The following PLCB4 variants were observed in gnomAD, a reference collection of about 807,000 sequenced individuals.
The protein encoded by PLCB4 is phospholipase C beta 4.
PLCB4 carries 77 observed loss-of-function variants against 178.8 expected under a neutral mutation model. The observed-to-expected ratio is 0.43, with a 90% confidence interval of 0.36 to 0.52. The LOEUF (loss-of-function observed/expected upper bound fraction) is 0.52, where lower values mean the gene tolerates loss of function less well. Ranked by LOEUF, PLCB4 falls within the 20% of genes least tolerant of loss-of-function variation. PLCB4 has a pLI of 0.00. For synonymous variants in PLCB4, 496 were observed against 490.8 expected (o/e 1.01, Z -0.14); for missense variants, 1,024 against 1,453.4 (o/e 0.70, Z 4.80).
intron 4 of PLCB4, among the ~76,000 whole-genome samples, chr20:9,316,479 A>C (rs2094900427): frequency 6.6e-6 from 1 of 152,198 alleles, no homozygotes; most frequent in Admixed American, 6.5e-5. Context: ...CGGGGGCCAA[A>C]AGGTTGGAGA....
At chr20:9,246,340 C>T (rs1382912784) in intron 3 of PLCB4, among the ~76,000 whole-genome samples, 1 of 152,118 alleles carries the variant, frequency 6.6e-6, no homozygotes, top group African/African-American at 2.4e-5. Context: ...ATTACTTTTG[C>T]ACCAACCTAA....
chr20:9,368,904 G>A (rs1301286162), intron 9 of PLCB4, among the ~76,000 whole-genome samples: 4 of 152,260 alleles, frequency 2.6e-5, no homozygotes, highest in African/African-American at 9.6e-5. Flanking sequence ...AACTCATTGA[G>A]TACCAGTTAG....
At chr20:9,416,596 C>T (rs2040265437) in intron 25 of PLCB4, among the ~76,000 whole-genome samples, 1 of 152,184 alleles carries the variant, frequency 6.6e-6, no homozygotes, top group Admixed American at 6.5e-5. Flanking sequence ...TACTTTCCAT[C>T]CTGATTCTTT....
At position 9,419,845 on chromosome 20, in the gene PLCB4, G is replaced by A. The variant is rs2040502761; in HGVS notation, c.2090G>A (p.Arg697Gln). ...LKPDFMRRPDRTFDPFSETPV... is the reference protein window; with the variant it reads ...LKPDFMRRPDQTFDPFSETPV... ...CCAGATTTCATGAGGCGGCCTGATC[G>A]AACATTTGACCCCTTCTCTGAAACT... The change falls in exon 26 of 40, where the codon CGA (arginine) becomes CAA (glutamine). Residue 697 changes from arginine to glutamine, a missense_variant. Transcript: ENST00000378473. The A allele has an allele frequency of 3.1e-6, 5 of 1,614,008 alleles. No individual in the cohort carries two copies. Among genetic ancestry groups the A allele is most frequent in the Non-Finnish European group, 4.2e-6 (5 of 1,179,904 alleles).
chr20:9,132,304 G>A (rs942113227), intron 2 of PLCB4, among the ~76,000 whole-genome samples: 2 of 152,032 alleles, frequency 1.3e-5, no homozygotes, highest in African/African-American at 4.8e-5. Flanking sequence ...GTGTGTGTGT[G>A]TGTGGTTGTT....
chr20:9,390,841 T>G (rs534014394), intron 17 of PLCB4, among the ~76,000 whole-genome samples: 1 of 152,288 alleles, frequency 6.6e-6, no homozygotes, highest in East Asian at 1.9e-4. Flanking sequence ...TTTTCAGATC[T>G]CAGTCTTAAA....
chr20:9,333,958 A>G lies in PLCB4; in HGVS notation c.85-3168A>G, dbSNP rs537586528. 3.3e-5 allele frequency among the ~76,000 whole-genome samples: 5 copies of G among 152,276 alleles called. No homozygotes were observed. The East Asian group carries it at 9.7e-4, about 29-fold the overall frequency. ...CAGTTATGGACATACTTATTTCAAG[A>G]CATCCTAGTGGAGATGTCAAATAGC... is the stretch of plus-strand genomic sequence containing the variant. On this transcript the variant is annotated intron_variant, in intron 4 of 39. Coordinates refer to ENST00000378473, the MANE Select transcript of PLCB4 (RefSeq NM_001377142.1).
In PLCB4 at chr20:9,444,329, C is replaced by A. The variant is rs2042280814; in HGVS notation, c.2880+86C>A. 3.8e-6 allele frequency: 3 copies of A among 780,596 alleles called. No individual in the cohort carries two copies. The African/African-American group carries it at 5.2e-5, about 14-fold the overall frequency. 48.4% of individuals were successfully genotyped at this position (780,596 alleles called of 1,614,324 possible). A position where few individuals can be genotyped will look rare whatever the true frequency, so the allele number is the denominator to read the frequency against. On this transcript the variant is annotated intron_variant, in intron 32 of 39. Transcript: ENST00000378473. ...ACACTACTTTGAAGCTGATACCAGA[C>A]CACTTAACAGTAATAACTCATTCTA...
chr20:9,252,016 T>A (rs2147488952), intron 3 of PLCB4, among the ~76,000 whole-genome samples: 1 of 152,316 alleles, frequency 6.6e-6, no homozygotes, highest in South Asian at 2.1e-4. Flanking sequence ...CACGTCTCAA[T>A]TCAGATACTA....
At chr20:9,253,772 C>T (rs2094205714) in intron 3 of PLCB4, among the ~76,000 whole-genome samples, 1 of 152,150 alleles carries the variant, frequency 6.6e-6, no homozygotes, top group South Asian at 2.1e-4. Flanking sequence ...TGTTCACTTC[C>T]CAGGTTTCCT....
chr20:9,325,373 A>C (rs770493144), intron 4 of PLCB4, among the ~76,000 whole-genome samples: 1 of 152,310 alleles, frequency 6.6e-6, no homozygotes, highest in East Asian at 1.9e-4. Context: ...TGCCCAAGAA[A>C]GTTACTTTGA....
intron 2 of PLCB4, among the ~76,000 whole-genome samples, chr20:9,215,219 T>C (rs2093716509): frequency 6.6e-6 from 1 of 152,178 alleles, no homozygotes; most frequent in Admixed American, 6.5e-5. Context: ...AAATACCTAG[T>C]GGTTTTCAAT....
Position 9,338,907 on chromosome 20 carries a change from T to C in PLCB4, c.239T>C (p.Leu80Ser). The stretch of plus-strand genomic sequence containing the variant: ...ACCTCTATACAGGATCCCAAAATCT[T>C]GGCTGCTCTTGAAGCTGTTGGAAAA... ...SGAIPKDPKI[L>S]AALEAVGKSE... Residue 80 changes from leucine (L) to serine (S), a missense_variant, in exon 7 of 40, where the codon TTG becomes TCG. By Grantham distance (145) the Leu-to-Ser change is moderately radical (BLOSUM62 -2). This residue lies in a region of PLCB4 where 225 missense variants were observed against 291.0 expected (regional missense o/e 0.77). Coordinates refer to ENST00000378473, the MANE Select transcript of PLCB4 (RefSeq NM_001377142.1). 1 of 1,613,494 alleles carries C rather than the reference T, an allele frequency of 6.2e-7. No individual in the cohort carries two copies. The highest frequency in any genetic ancestry group is 8.5e-7 in the Non-Finnish European group (1 of 1,179,626).
intron 1 of PLCB4, among the ~76,000 whole-genome samples, chr20:9,086,674 G>C (rs2090437777): frequency 6.6e-6 from 1 of 152,104 alleles, no homozygotes; most frequent in Admixed American, 6.6e-5. Flanking sequence ...TTCCAAGGCT[G>C]TGTTTGCCTA....
At chr20:9,087,104 T>G (rs2090464220) in intron 1 of PLCB4, among the ~76,000 whole-genome samples, 1 of 152,236 alleles carries the variant, frequency 6.6e-6, no homozygotes. Context: ...TAGTTGATTC[T>G]TGCTTTTAAA....
At chr20:9,199,079 A>G (rs529905586) in intron 2 of PLCB4, among the ~76,000 whole-genome samples, 1 of 152,188 alleles carries the variant, frequency 6.6e-6, no homozygotes, top group Non-Finnish European at 1.5e-5. Context: ...CAGGAAGATA[A>G]TATTGCCAAT....
At chr20:9,349,255 C>T (rs2034108814) in intron 7 of PLCB4, among the ~76,000 whole-genome samples, 1 of 152,170 alleles carries the variant, frequency 6.6e-6, no homozygotes, top group African/African-American at 2.4e-5. Flanking sequence ...TTTTCATCAC[C>T]CTCAAAGGAA....
intron 13 of PLCB4, among the ~76,000 whole-genome samples, chr20:9,383,167 T>C (rs2037288733): frequency 6.6e-6 from 1 of 152,170 alleles, no homozygotes; most frequent in Admixed American, 6.5e-5. Flanking sequence ...AATGCATATG[T>C]AGTAAGGTTG....
chr20:9,273,591 A>G (rs917510281), intron 3 of PLCB4, among the ~76,000 whole-genome samples: 16 of 151,418 alleles, frequency 1.1e-4, no homozygotes, highest in Non-Finnish European at 2.2e-4. Flanking sequence ...ATGGGTAGGT[A>G]TTTGCCAGGT....
Sources: gnomAD v4.1 joint callset for allele counts (sites outside exome capture counted in the v4.1 genomes callset) on GRCh38, gnomAD v4.1.1 for gene constraint, gnomAD v4.1.1 regional missense constraint, MANE v1.5 for transcripts, NCBI Gene and HGNC (gene_info 2026-07-23, HGNC 2026-07-21) for gene names.